The following PARP8 variants were observed in gnomAD, a reference collection of about 807,000 sequenced individuals.
PARP8 encodes protein mono-ADP-ribosyltransferase PARP8.
In PARP8, 51 loss-of-function variants were observed where a neutral mutation model predicts 124.1. That is an observed-to-expected ratio of 0.41 (90% CI 0.33 to 0.52). The LOEUF (loss-of-function observed/expected upper bound fraction) is 0.52. PARP8 is among the 20% of genes least tolerant of loss of function. The pLI is 0.21. For synonymous variants in PARP8, 391 were observed against 361.5 expected (o/e 1.08, Z -0.93); for missense variants, 860 against 1,018.9 (o/e 0.84, Z 2.12).
chr5:50,824,166 A>G (rs1175997619), intron 17 of PARP8, among the ~76,000 whole-genome samples: 1 of 152,146 alleles, frequency 6.6e-6, no homozygotes, highest in East Asian at 1.9e-4. Flanking sequence ...ATTGTGTCCA[A>G]TTTTTTAATG....
intron 1 of PARP8, 29 bp downstream of exon 1, chr5:50,667,215 A>C (rs753062323): frequency 1.3e-6 from 2 of 1,594,010 alleles, no homozygotes; most frequent in Non-Finnish European, 1.7e-6. Context: ...AGAACCTCGG[A>C]CCCAGCGCCC....
chr5:50,748,551 G>C (rs1758869691), intron 2 of PARP8, among the ~76,000 whole-genome samples: 1 of 152,050 alleles, frequency 6.6e-6, no homozygotes, highest in Non-Finnish European at 1.5e-5. Context: ...AGGTCTGCTG[G>C]GGACCAATTT....
intron 10 of PARP8, among the ~76,000 whole-genome samples, chr5:50,789,425 A>G (rs761943514): frequency 6.6e-6 from 1 of 152,140 alleles, no homozygotes; most frequent in Non-Finnish European, 1.5e-5. Context: ...TTTGGGACCC[A>G]CTGGCCTGTG....
intron 15 of PARP8, among the ~76,000 whole-genome samples, chr5:50,817,197 A>G (rs1745197200): frequency 6.6e-6 from 1 of 152,204 alleles, no homozygotes; most frequent in Admixed American, 6.5e-5. Context: ...AATCATTGTT[A>G]CATCATAAAA....
intron 9 of PARP8, among the ~76,000 whole-genome samples, chr5:50,779,566 C>G (rs892892988): frequency 6.6e-5 from 10 of 152,254 alleles, no homozygotes; most frequent in Admixed American, 1.3e-4. Context: ...GACTGGGATG[C>G]AAATGCAAGT....
At chr5:50,817,745 C>A (rs781283380) in intron 15 of PARP8, among the ~76,000 whole-genome samples, 6 of 151,728 alleles carry the variant, frequency 4.0e-5, no homozygotes, top group Admixed American at 2.0e-4. Flanking sequence ...CATTGTATAC[C>A]CTTAGGCTCT....
intron 7 of PARP8, among the ~76,000 whole-genome samples, chr5:50,774,198 C>G (rs1337457563): frequency 6.6e-6 from 1 of 152,194 alleles, no homozygotes; most frequent in Admixed American, 6.5e-5. Context: ...AAGAATTTTT[C>G]TTAGTACAGA....
chr5:50,739,190 A>G (rs1468029998), intron 2 of PARP8: 2 of 638,214 alleles, frequency 3.1e-6, no homozygotes, highest in South Asian at 1.7e-5. Context: ...CTTTCCTTCC[A>G]TTGCAGGGGG....
intron 17 of PARP8, 146 bp from the exon 18 acceptor site, chr5:50,824,762 A>T: frequency 3.2e-6 from 2 of 634,544 alleles, no homozygotes; most frequent in East Asian, 5.5e-5. Context: ...AGAAAAGACT[A>T]GGGCAATTGT....
At chr5:50,839,031 T>C (rs1327874309) in intron 25 of PARP8, among the ~76,000 whole-genome samples, 5 of 152,040 alleles carry the variant, frequency 3.3e-5, no homozygotes, top group Admixed American at 2.6e-4. Context: ...TTAGCTATGT[T>C]ACTCAGGTGG....
At chr5:50,703,576 T>G (rs955930493) in intron 2 of PARP8, among the ~76,000 whole-genome samples, 2 of 152,138 alleles carry the variant, frequency 1.3e-5, no homozygotes, top group African/African-American at 2.4e-5. Context: ...TATTTCAGCC[T>G]CTATTCTCGC....
intron 2 of PARP8, among the ~76,000 whole-genome samples, chr5:50,699,903 T>G (rs1561261483): frequency 6.6e-6 from 1 of 152,166 alleles, no homozygotes; most frequent in African/African-American, 2.4e-5. Flanking sequence ...CCTGACACAT[T>G]GTTGACAGGA....
intron 2 of PARP8, among the ~76,000 whole-genome samples, chr5:50,674,093 T>C (rs1750344014): frequency 6.6e-6 from 1 of 152,244 alleles, no homozygotes; most frequent in South Asian, 2.1e-4. Flanking sequence ...GATGTGTTTT[T>C]ATTAACAAGA....
intron 3 of PARP8, among the ~76,000 whole-genome samples, chr5:50,753,454 T>A (rs1759481098): frequency 6.6e-6 from 1 of 152,132 alleles, no homozygotes; most frequent in Non-Finnish European, 1.5e-5. Context: ...ATATAATTGT[T>A]TTTATACCTA....
chr5:50,683,638 C>T (rs1490089242), intron 2 of PARP8, among the ~76,000 whole-genome samples: 8 of 135,292 alleles, frequency 5.9e-5, no homozygotes, highest in Non-Finnish European at 4.9e-5. Flanking sequence ...AGTTATTTTT[C>T]CTTTCTAAAT....
intron 2 of PARP8, among the ~76,000 whole-genome samples, chr5:50,694,889 T>G (rs1752859882): frequency 6.6e-6 from 1 of 151,886 alleles, no homozygotes; most frequent in African/African-American, 2.4e-5. Context: ...AGTCCAAGAG[T>G]CCAAAAGCTG....
chr5:50,840,054 G>C (rs1480061736), intron 25 of PARP8, among the ~76,000 whole-genome samples: 1 of 151,898 alleles, frequency 6.6e-6, no homozygotes, highest in African/African-American at 2.4e-5. Flanking sequence ...ATGGGGATAA[G>C]TGTAGAGACA....
chr5:50,735,242 T>C (rs1338599452), intron 2 of PARP8, among the ~76,000 whole-genome samples: 2 of 152,158 alleles, frequency 1.3e-5, no homozygotes, highest in Non-Finnish European at 2.9e-5. Context: ...CCTTTGCTGC[T>C]TGTTCAGATT....
chr5:50,745,194 G>A (rs1398745289), intron 2 of PARP8, among the ~76,000 whole-genome samples: 2 of 152,102 alleles, frequency 1.3e-5, no homozygotes, highest in Non-Finnish European at 2.9e-5. Flanking sequence ...CACGAACATG[G>A]GAATGTCTCC....
Sources: gnomAD v4.1 joint callset for allele counts (sites outside exome capture counted in the v4.1 genomes callset) on GRCh38, gnomAD v4.1.1 for gene constraint, MANE v1.5 for transcripts, NCBI Gene and HGNC (gene_info 2026-07-23, HGNC 2026-07-21) for gene names.